Variants in LMAN2L observed in about 807,000 individuals in gnomAD.
LMAN2L encodes the protein VIP36-like protein.
LMAN2L carries 30 observed loss-of-function variants against 44.3 expected under a neutral mutation model. The observed-to-expected ratio is 0.68, with a 90% confidence interval of 0.51 to 0.92. The LOEUF (loss-of-function observed/expected upper bound fraction) is 0.92, where lower values mean the gene tolerates loss of function less well. Among genes scored for constraint, LMAN2L ranks in the 40% least tolerant of loss-of-function variants. The pLI, the probability that LMAN2L is intolerant of heterozygous loss-of-function variation, is 0.00. For missense variants in LMAN2L, 429 were observed against 446.1 expected (o/e 0.96, Z 0.35); for synonymous variants, 183 against 171.1 (o/e 1.07, Z -0.54).
chr2:96,732,873 C>T lies in LMAN2L; in HGVS notation c.507+646G>A, dbSNP rs1323831868. 4.6e-5 allele frequency among the ~76,000 whole-genome samples: 7 copies of T among 151,252 alleles called. No homozygotes were observed. The South Asian group carries it at 8.4e-4, about 18-fold the overall frequency. On this transcript the variant is annotated intron_variant, in intron 4 of 7. Coordinates refer to ENST00000264963, the MANE Select transcript of LMAN2L (RefSeq NM_030805.4). ...GTGTGATTCTCTTGCCTCAGCCTCCCGAGTAGGTGGGATTACAGGCACCCA... is the reference window on the plus strand; with the variant it reads ...GTGTGATTCTCTTGCCTCAGCCTCCTGAGTAGGTGGGATTACAGGCACCCA...
intron 4 of LMAN2L, among the ~76,000 whole-genome samples, chr2:96,723,805 T>C (rs1030283239): frequency 4.6e-5 from 7 of 152,162 alleles, no homozygotes; most frequent in African/African-American, 1.7e-4. Context: ...ATTAATTGAT[T>C]AGACCGGGCA....
Position 96,722,522 on chromosome 2 carries a change from A to G in LMAN2L, c.508-10497T>C, listed in dbSNP as rs566818183. Reference sequence around the variant, plus strand: ...AATCTAATGCCACCACTGATCTGAGAGGAGGCGGAGCTCAGGCAGTAATGA... The same window carrying G: ...AATCTAATGCCACCACTGATCTGAGGGGAGGCGGAGCTCAGGCAGTAATGA... On this transcript the variant is annotated intron_variant, in intron 4 of 7. Coordinates refer to ENST00000264963, the MANE Select transcript of LMAN2L (RefSeq NM_030805.4). Among the ~76,000 whole-genome samples the G allele has an allele frequency of 6.6e-5, 10 of 152,278 alleles. No individual in the cohort carries two copies. The East Asian group carries it at 1.4e-3, about 21-fold the overall frequency.
chr2:96,718,617 G>A (rs1051268368), intron 4 of LMAN2L, among the ~76,000 whole-genome samples: 1 of 152,076 alleles, frequency 6.6e-6, no homozygotes, highest in African/African-American at 2.4e-5. Context: ...ACTTACACAC[G>A]TAGACCTGTC....
chr2:96,710,540 T>C (rs749748758), intron 6 of LMAN2L, among the ~76,000 whole-genome samples: 32 of 152,112 alleles, frequency 2.1e-4, no homozygotes, highest in Non-Finnish European at 4.0e-4. Flanking sequence ...GTGGCGCGCC[T>C]GTAGTCCCAG....
intron 2 of LMAN2L, among the ~76,000 whole-genome samples, chr2:96,737,486 C>CA (rs139999987): frequency 0.077 from 11,739 of 152,068 alleles, 512 homozygotes; most frequent in Middle Eastern, 0.16. Flanking sequence ...CCCATCTCTA[C>CA]AAAAAACGTT....
chr2:96,733,655 G>A, intron 3 of LMAN2L, 54 bp from the exon 4 acceptor site: 3 of 1,384,058 alleles, frequency 2.2e-6, no homozygotes, highest in Non-Finnish European at 2.1e-6. Flanking sequence ...AGTTGATAAA[G>A]GAATAATATA....
chr2:96,712,345 G>A (rs1191654832), intron 4 of LMAN2L, among the ~76,000 whole-genome samples: 1 of 152,198 alleles, frequency 6.6e-6, no homozygotes, highest in Non-Finnish European at 1.5e-5. Flanking sequence ...CTTATGTGCC[G>A]CCTAATACCA....
chr2:96,737,969 CCT>C lies in LMAN2L; in HGVS notation c.284_285del (p.Gln95ArgfsTer69), dbSNP rs1451843683. The C allele has an allele frequency of 1.2e-6, 2 of 1,612,820 alleles. No homozygotes were observed. The highest frequency in any genetic ancestry group is 1.7e-6 in the Non-Finnish European group (2 of 1,178,958). On this transcript the variant is annotated frameshift_variant, in exon 2 of 8. Transcript: ENST00000264963. LOFTEE classifies it high-confidence loss of function. ...CTTACCACCCGGTTCCACAAGGCAC[CCT>C]GTTTACTTTGCATATCTGGGGTAAG... is the stretch of plus-strand genomic sequence containing the variant. ...IRLTPDMQSKQGALWNRVPCF... is the reference protein window; with the variant it reads ...IRLTPDMQSKXGALWNRVPCF...
At chr2:96,730,696 G>A (rs556799868) in intron 4 of LMAN2L, among the ~76,000 whole-genome samples, 18 of 150,344 alleles carry the variant, frequency 1.2e-4, no homozygotes, top group African/African-American at 4.2e-4. Flanking sequence ...TTTTTGAGAT[G>A]GAGTTTCACT....
intron 4 of LMAN2L, among the ~76,000 whole-genome samples, chr2:96,724,023 C>G (rs1449425014): frequency 6.6e-6 from 1 of 151,496 alleles, no homozygotes; most frequent in Non-Finnish European, 1.5e-5. Flanking sequence ...GGCGTGAACC[C>G]AGGAGGCAGA....
Position 96,724,098 on chromosome 2 carries a change from C to CA in LMAN2L, c.507+9420dup, listed in dbSNP as rs879480139. Among the ~76,000 whole-genome samples the CA allele has an allele frequency of 2.6e-3, 323 of 123,830 alleles. 2 individuals are homozygous for CA. The highest frequency in any genetic ancestry group is 3.2e-3 in the Admixed American group (38 of 12,016). The allele number at this position is 123,830 out of a possible 152,430, so 81.2% of individuals were successfully genotyped here. On this transcript the variant is annotated intron_variant, in intron 4 of 7. Coordinates refer to ENST00000264963, the MANE Select transcript of LMAN2L (RefSeq NM_030805.4). ...TGGGAGACAGAGCGAGACTCTGTCT[C>CA]AAAAAAAAAAAAGAAAGAAAAAGAA...
intron 4 of LMAN2L, among the ~76,000 whole-genome samples, chr2:96,718,155 C>T (rs1243190410): frequency 6.6e-6 from 1 of 152,144 alleles, no homozygotes; most frequent in Non-Finnish European, 1.5e-5. Flanking sequence ...AGGGTTTCAC[C>T]ATGTTGGCCA....
In LMAN2L at chr2:96,710,883, T is replaced by A. The variant is rs540667533; in HGVS notation, c.784+773A>T. On this transcript the variant is annotated intron_variant, in intron 6 of 7. Transcript: ENST00000264963. Reference sequence around the variant, plus strand: ...TAATCAAAAGAAACAGAAGTTCAGTTCCTTTTCTCTTCCCAAAAGATGTTA... The same window carrying A: ...TAATCAAAAGAAACAGAAGTTCAGTACCTTTTCTCTTCCCAAAAGATGTTA... Among the ~76,000 whole-genome samples, 13 of 152,278 alleles carry A rather than the reference T, an allele frequency of 8.5e-5. No individual in the cohort carries two copies. The South Asian group carries it at 2.7e-3, about 32-fold the overall frequency.
intron 2 of LMAN2L, among the ~76,000 whole-genome samples, chr2:96,734,999 T>TA (rs2078484264): frequency 6.6e-6 from 1 of 151,902 alleles, no homozygotes; most frequent in Admixed American, 6.6e-5. Context: ...GCTAAGCTGT[T>TA]ATGCAAACGT....
At chr2:96,737,193 C>T (rs1188190214) in intron 2 of LMAN2L, 1 of 455,244 alleles carries the variant, frequency 2.2e-6, no homozygotes, top group Non-Finnish European at 4.4e-6. Flanking sequence ...CTTCTTGTCG[C>T]CATACCTCAA....
chr2:96,721,218 G>A (rs1334961694), intron 4 of LMAN2L, among the ~76,000 whole-genome samples: 1 of 151,906 alleles, frequency 6.6e-6, no homozygotes, highest in African/African-American at 2.4e-5. Flanking sequence ...TCATATGCAT[G>A]GGATCATACA....
intron 2 of LMAN2L, among the ~76,000 whole-genome samples, chr2:96,736,176 G>T (rs150952497): frequency 6.6e-6 from 1 of 152,130 alleles, no homozygotes; most frequent in African/African-American, 2.4e-5. Context: ...ATGCTATACT[G>T]TTTTGCTCAG....
At chr2:96,739,203 C>T (rs545602617) in intron 1 of LMAN2L, among the ~76,000 whole-genome samples, 2 of 152,354 alleles carry the variant, frequency 1.3e-5, no homozygotes, top group East Asian at 3.9e-4. Flanking sequence ...AATGATTACC[C>T]TTAGTAGTAG....
chr2:96,734,122 G>A (rs183288369), intron 3 of LMAN2L, among the ~76,000 whole-genome samples: 14 of 152,282 alleles, frequency 9.2e-5, no homozygotes, highest in South Asian at 2.1e-4. Context: ...TCACCCAATC[G>A]TCAGCGTTCA....
Sources: gnomAD v4.1 joint callset for allele counts (sites outside exome capture counted in the v4.1 genomes callset) on GRCh38, gnomAD v4.1.1 for gene constraint, MANE v1.5 for transcripts, NCBI Gene and HGNC (gene_info 2026-07-23, HGNC 2026-07-21) for gene names.